The following CNNM2 variants were observed in gnomAD, a reference collection of about 807,000 sequenced individuals.
CNNM2 encodes the protein cyclin and CBS domain divalent metal cation transport mediator 2, also known as metal transporter CNNM2.
In CNNM2, 12 loss-of-function variants were observed where a neutral mutation model predicts 66.9. The ratio of observed to expected loss-of-function variants is 0.18; its 90% CI spans 0.11 to 0.29. CNNM2 has a LOEUF of 0.29. Among genes scored for constraint, CNNM2 ranks in the 10% least tolerant of loss-of-function variants. The pLI is 1.00. For missense variants in CNNM2, 705 were observed against 1,167.7 expected (o/e 0.60, Z 5.77); for synonymous variants, 557 against 501.8 (o/e 1.11, Z -1.47).
chr10:102,996,002 A>G (rs1272365857), intron 1 of CNNM2, among the ~76,000 whole-genome samples: 1 of 152,162 alleles, frequency 6.6e-6, no homozygotes, highest in Admixed American at 6.6e-5. Flanking sequence ...GCCTGGCCTC[A>G]TAGTTTGGAG....
At chr10:103,071,751 C>G in intron 5 of CNNM2, 23 bp from the exon 6 acceptor site, 1 of 1,605,410 alleles carries the variant, frequency 6.2e-7, no homozygotes, top group Non-Finnish European at 8.5e-7. Context: ...TGCGATCTCA[C>G]CCTGTTTTTC....
At chr10:103,042,021 G>GT in intron 1 of CNNM2, among the ~76,000 whole-genome samples, 1 of 152,230 alleles carries the variant, frequency 6.6e-6, no homozygotes, top group Admixed American at 6.5e-5. Context: ...GTATCTATCT[G>GT]ACATTTCTAC....
chr10:103,017,929 T>C (rs1272933593), intron 1 of CNNM2, among the ~76,000 whole-genome samples: 2 of 128,950 alleles, frequency 1.6e-5, no homozygotes, highest in Non-Finnish European at 3.1e-5. Flanking sequence ...GCACCATTGC[T>C]CTCCAGCCTG....
At chr10:103,037,418 A>G (rs539960509) in intron 1 of CNNM2, among the ~76,000 whole-genome samples, 2 of 151,996 alleles carry the variant, frequency 1.3e-5, no homozygotes, top group African/African-American at 4.8e-5. Context: ...CATGACCACC[A>G]TGTCTGGCTA....
intron 1 of CNNM2, among the ~76,000 whole-genome samples, chr10:103,022,026 G>GTGAGA (rs2064592575): frequency 6.6e-6 from 1 of 152,156 alleles, no homozygotes; most frequent in African/African-American, 2.4e-5. Flanking sequence ...ATGTGTTTAA[G>GTGAGA]TGAGACGTGG....
intron 1 of CNNM2, among the ~76,000 whole-genome samples, chr10:103,039,291 C>A (rs1268298139): frequency 6.6e-6 from 1 of 152,132 alleles, no homozygotes; most frequent in East Asian, 1.9e-4. Context: ...AGTGCACCAC[C>A]ATGCCTGGCT....
intron 1 of CNNM2, among the ~76,000 whole-genome samples, chr10:102,922,985 C>A (rs185916072): frequency 1.7e-3 from 258 of 150,024 alleles, no homozygotes; most frequent in South Asian, 4.0e-3. Flanking sequence ...TAGTTAAGAA[C>A]TTCTGTATTG....
chr10:103,016,986 T>C (rs545035474), intron 1 of CNNM2, among the ~76,000 whole-genome samples: 1 of 150,530 alleles, frequency 6.6e-6, no homozygotes, highest in East Asian at 1.9e-4. Context: ...TCCTTTTTTT[T>C]TTTTTAACCA....
At chr10:103,017,772 C>T (rs1276084412) in intron 1 of CNNM2, among the ~76,000 whole-genome samples, 1 of 151,864 alleles carries the variant, frequency 6.6e-6, no homozygotes, top group African/African-American at 2.4e-5. Flanking sequence ...TCAAGACCAA[C>T]CTGGCCAATG....
intron 1 of CNNM2, among the ~76,000 whole-genome samples, chr10:103,036,902 G>A (rs2064950101): frequency 6.6e-6 from 1 of 152,084 alleles, no homozygotes; most frequent in South Asian, 2.1e-4. Flanking sequence ...CTATAAAAGG[G>A]AAATAGGAAG....
At chr10:103,017,247 T>C (rs2064470977) in intron 1 of CNNM2, among the ~76,000 whole-genome samples, 1 of 152,192 alleles carries the variant, frequency 6.6e-6, no homozygotes, top group African/African-American at 2.4e-5. Flanking sequence ...AAAAGATGGA[T>C]TATTAACAGC....
chr10:103,017,963 C>CAAAAAAAAAGAAAAAA (rs2064487927), intron 1 of CNNM2, among the ~76,000 whole-genome samples: 1 of 78,882 alleles, frequency 1.3e-5, no homozygotes, highest in Non-Finnish European at 2.4e-5. Context: ...GAATCTGTCT[C>CAAAAAAAAAGAAAAAA]AAAAAAAAAA....
chr10:103,014,594 A>G (rs1004551908), intron 1 of CNNM2, among the ~76,000 whole-genome samples: 1 of 152,202 alleles, frequency 6.6e-6, no homozygotes, highest in African/African-American at 2.4e-5. Flanking sequence ...TTAAAAGCCC[A>G]CTTTTCTTTA....
chr10:102,963,494 G>A (rs1415820660), intron 1 of CNNM2, among the ~76,000 whole-genome samples: 1 of 152,184 alleles, frequency 6.6e-6, no homozygotes, highest in Non-Finnish European at 1.5e-5. Context: ...CACCAGAGTA[G>A]TATCAACTTA....
At chr10:103,011,448 A>C (rs1333767990) in intron 1 of CNNM2, among the ~76,000 whole-genome samples, 1 of 129,050 alleles carries the variant, frequency 7.7e-6, no homozygotes, top group African/African-American at 2.8e-5. Context: ...GCAAGACTCC[A>C]TCTCAAAAAA....
intron 1 of CNNM2, among the ~76,000 whole-genome samples, chr10:102,947,606 C>A (rs1012436173): frequency 2.0e-5 from 3 of 151,594 alleles, no homozygotes; most frequent in African/African-American, 7.3e-5. Context: ...CAAAAATTAG[C>A]TGGGCGTAGT....
chr10:103,039,323 G>GA (rs1401135230), intron 1 of CNNM2, among the ~76,000 whole-genome samples: 1 of 152,124 alleles, frequency 6.6e-6, no homozygotes, highest in Non-Finnish European at 1.5e-5. Flanking sequence ...TTTTAGTAGA[G>GA]ACGGGGTTTT....
intron 1 of CNNM2, among the ~76,000 whole-genome samples, chr10:102,937,135 G>A (rs556490072): frequency 1.4e-4 from 21 of 152,080 alleles, no homozygotes; most frequent in Non-Finnish European, 2.2e-4. Flanking sequence ...TAGGCTTTTG[G>A]GTTACATTTG....
At chr10:103,052,053 G>T (rs1408738023) in intron 2 of CNNM2, among the ~76,000 whole-genome samples, 2 of 152,124 alleles carry the variant, frequency 1.3e-5, no homozygotes, top group South Asian at 4.2e-4. Context: ...GAGGCAGGCG[G>T]ATCATGAGGT....
Sources: allele counts gnomAD v4.1 joint callset (sites outside exome capture counted in the v4.1 genomes callset), GRCh38; gene constraint gnomAD v4.1.1; transcripts MANE v1.5; gene names NCBI Gene and HGNC (gene_info 2026-07-23, HGNC 2026-07-21).